The following TOPAZ1 variants were observed in gnomAD, a reference collection of about 807,000 sequenced individuals.
TOPAZ1 encodes the protein testis and ovary specific TOPAZ 1.
A neutral mutation model predicts 172.2 loss-of-function variants in TOPAZ1; 66 were observed. The ratio of observed to expected loss-of-function variants is 0.38; its 90% confidence interval spans 0.31 to 0.47. The LOEUF (loss-of-function observed/expected upper bound fraction) is 0.47, where lower values mean the gene tolerates loss of function less well. TOPAZ1 is among the 20% of genes least tolerant of loss of function. The pLI is 0.99. For synonymous variants in TOPAZ1, 681 were observed against 683.9 expected (o/e 1.00, Z 0.07); for missense variants, 1,822 against 1,972.4 (o/e 0.92, Z 1.44).
At chr3:44,320,136 TC>T (rs2125704587) in intron 16 of TOPAZ1, among the ~76,000 whole-genome samples, 1 of 152,324 alleles carries the variant, frequency 6.6e-6, no homozygotes, top group East Asian at 1.9e-4. Flanking sequence ...GGTAATATTC[TC>T]TTTTTTTAAA....
At chr3:44,246,748 C>A (rs1002007600) in intron 2 of TOPAZ1, among the ~76,000 whole-genome samples, 1 of 152,170 alleles carries the variant, frequency 6.6e-6, no homozygotes, top group Non-Finnish European at 1.5e-5. Context: ...CTTGTTACCA[C>A]CTAACAACTA....
chr3:44,264,474 A>G (rs910483705), intron 5 of TOPAZ1, among the ~76,000 whole-genome samples: 1 of 152,260 alleles, frequency 6.6e-6, no homozygotes, highest in African/African-American at 2.4e-5. Flanking sequence ...AAGTTTTTAC[A>G]TCATCTGAGC....
chr3:44,283,859 A>G (rs1700050381), intron 9 of TOPAZ1, among the ~76,000 whole-genome samples: 2 of 152,240 alleles, frequency 1.3e-5, no homozygotes, highest in African/African-American at 4.8e-5. Flanking sequence ...TCCGAAAAAC[A>G]GGCTATCCTT....
chr3:44,323,076 A>AT lies in TOPAZ1; in HGVS notation c.4472-8dup, dbSNP rs771551077. 2.2e-5 allele frequency: 33 copies of AT among 1,473,876 alleles called. No homozygotes were observed. The highest frequency in any genetic ancestry group is 1.2e-4 in the Admixed American group (5 of 40,678). The allele number at this position is 1,473,876 out of a possible 1,614,324, so 91.3% of individuals were successfully genotyped here. A position where few individuals can be genotyped will look rare whatever the true frequency, so the allele number is the denominator to read the frequency against. ...TAATATAAATGAATTTTATTATATC[A>AT]TTTTTTTTATTCCAGAAACTGTGGA... On this transcript the variant is annotated splice_polypyrimidine_tract_variant and intron_variant, in intron 17 of 19. Transcript: ENST00000309765.
At chr3:44,284,943 G>T (rs1700061996) in intron 9 of TOPAZ1, among the ~76,000 whole-genome samples, 1 of 152,182 alleles carries the variant, frequency 6.6e-6, no homozygotes, top group South Asian at 2.1e-4. Flanking sequence ...TTTACCACTG[G>T]TAATATACAA....
intron 8 of TOPAZ1, among the ~76,000 whole-genome samples, chr3:44,273,043 C>T (rs1444923025): frequency 6.6e-6 from 1 of 152,166 alleles, no homozygotes; most frequent in Non-Finnish European, 1.5e-5. Flanking sequence ...GGACTTACCA[C>T]CAGATTGTGC....
intron 9 of TOPAZ1, among the ~76,000 whole-genome samples, chr3:44,285,935 G>A (rs1432102002): frequency 6.6e-6 from 1 of 151,930 alleles, no homozygotes; most frequent in East Asian, 2.0e-4. Flanking sequence ...GAGGCCAGGT[G>A]CAGTGGCTCA....
At chr3:44,288,379 G>A (rs1700101606) in intron 11 of TOPAZ1, among the ~76,000 whole-genome samples, 2 of 151,976 alleles carry the variant, frequency 1.3e-5, no homozygotes, top group Non-Finnish European at 2.9e-5. Context: ...GCCTAGAGAT[G>A]TTTGGAATCA....
chr3:44,278,428 T>G (rs142505187), intron 8 of TOPAZ1, among the ~76,000 whole-genome samples: 156 of 152,296 alleles, frequency 1.0e-3, no homozygotes, highest in African/African-American at 3.7e-3. Context: ...TTCCATTTTT[T>G]GGAATAGTTT....
chr3:44,332,060 GAAAAT>G lies in TOPAZ1; in HGVS notation c.*54_*58del. 7.9e-7 allele frequency: 1 copy of G among 1,265,092 alleles called. No individual in the cohort carries two copies. Among genetic ancestry groups the G allele is most frequent in the Non-Finnish European group, 1.1e-6 (1 of 919,566 alleles). 78.4% of individuals were successfully genotyped at this position (1,265,092 alleles called of 1,614,324 possible). ...TTTTTTAGTTCAAGTAATCATTGTT[GAAAAT>G]AAAAGGCAATAAAAATAGACAGTTT... On this transcript the variant is annotated 3_prime_UTR_variant, in exon 20 of 20. Coordinates refer to ENST00000309765, the MANE Select transcript of TOPAZ1 (RefSeq NM_001145030.2).
rs1190003851 is a variant in TOPAZ1, at chr3:44,241,987, C to T, written c.-67C>T. 2.1e-6 allele frequency: 3 copies of T among 1,428,772 alleles called. No individual in the cohort carries two copies. Among genetic ancestry groups the T allele is most frequent in the Middle Eastern group, 2.4e-4 (1 of 4,136 alleles). The allele number at this position is 1,428,772 out of a possible 1,614,324, so 88.5% of individuals were successfully genotyped here. ...AGTAGGTACCTCCAGGCGGGAGCAG[C>T]GTTTGCACCGCGGTGGGTTCCTGCG... On this transcript the variant is annotated 5_prime_UTR_variant, in exon 1 of 20. Coordinates refer to ENST00000309765, the MANE Select transcript of TOPAZ1 (RefSeq NM_001145030.2).
chr3:44,247,912 A>G (rs770817224), intron 2 of TOPAZ1, among the ~76,000 whole-genome samples: 36 of 152,120 alleles, frequency 2.4e-4, no homozygotes, highest in Non-Finnish European at 3.7e-4. Flanking sequence ...TGGCCTCCCA[A>G]AGTGCTGGGA....
chr3:44,303,688 G>A lies in TOPAZ1; in HGVS notation c.3798-327G>A, dbSNP rs867211430. Among the ~76,000 whole-genome samples, 16 of 152,184 alleles carry A rather than the reference G, an allele frequency of 1.1e-4. No homozygotes were observed. The South Asian group carries it at 2.3e-3, about 22-fold the overall frequency. On this transcript the variant is annotated intron_variant, in intron 12 of 19. Transcript: ENST00000309765. ...CAGTAAGGGTAGGGTAGGAGCAGTA[G>A]AGATCATGTGCCAGGATTTGGTATT...
chr3:44,270,591 T>C (rs1326708198), intron 7 of TOPAZ1, 94 bp from the exon 8 acceptor site: 3 of 794,232 alleles, frequency 3.8e-6, no homozygotes, highest in South Asian at 1.0e-4. Context: ...CTCTTTGGAA[T>C]ATATGTTATT....
rs1243661726 is a variant in TOPAZ1 at position 44,321,009 on chromosome 3, T to C, written c.4307-18T>C. ...ATTTTCATGGTATAAACTATTCATA[T>C]TTTTTTCTTTTTGGAAGAGTCAGAG... On this transcript the variant is annotated intron_variant, in intron 16 of 19. Transcript: ENST00000309765. 6.7e-7 allele frequency: 1 copy of C among 1,496,904 alleles called. No individual in the cohort carries two copies. The highest frequency in any genetic ancestry group is 2.1e-5 in the Admixed American group (1 of 46,740). The allele number at this position is 1,496,904 out of a possible 1,614,324, so 92.7% of individuals were successfully genotyped here. A position where few individuals can be genotyped will look rare whatever the true frequency, so the allele number is the denominator to read the frequency against.
At chr3:44,283,048 G>A (rs1017377419) in intron 9 of TOPAZ1, among the ~76,000 whole-genome samples, 1 of 151,980 alleles carries the variant, frequency 6.6e-6, no homozygotes, top group Non-Finnish European at 1.5e-5. Context: ...AGATGTGGAA[G>A]GAAAAAGGAT....
intron 5 of TOPAZ1, 68 bp downstream of exon 5, chr3:44,262,551 T>C (rs989165883): frequency 1.2e-6 from 1 of 817,504 alleles, no homozygotes; most frequent in East Asian, 2.9e-5. Flanking sequence ...CTTGAGTATG[T>C]TTTTTATTCT....
At chr3:44,324,866 G>T (rs1331641256) in intron 18 of TOPAZ1, among the ~76,000 whole-genome samples, 1 of 152,058 alleles carries the variant, frequency 6.6e-6, no homozygotes, top group East Asian at 1.9e-4. Context: ...GATTTTTTTA[G>T]CAGTGTGTTA....
chr3:44,245,369 A>C, intron 2 of TOPAZ1, 98 bp downstream of exon 2: 1 of 1,250,760 alleles, frequency 8.0e-7, no homozygotes, highest in Non-Finnish European at 1.1e-6. Flanking sequence ...TTGAAGCTCC[A>C]TTATTTTTTA....
Sources: gnomAD v4.1 joint callset for allele counts (sites outside exome capture counted in the v4.1 genomes callset) on GRCh38, gnomAD v4.1.1 for gene constraint, MANE v1.5 for transcripts, NCBI Gene and HGNC (gene_info 2026-07-23, HGNC 2026-07-21) for gene names.